Variants in TENT4B observed in about 807,000 individuals in gnomAD.
TENT4B encodes PAP associated domain containing 5.
A neutral mutation model predicts 75.0 loss-of-function variants in TENT4B; 10 were observed. That is an observed-to-expected ratio of 0.13 (90% CI 0.08 to 0.23). The LOEUF is 0.23. Among genes scored for constraint, TENT4B ranks in the 10% least tolerant of loss-of-function variants. TENT4B has a pLI of 1.00. For synonymous variants in TENT4B, 350 were observed against 357.7 expected (o/e 0.98, Z 0.24); for missense variants, 579 against 893.8 (o/e 0.65, Z 4.49).
chr16:50,172,540 A>G (rs1013809572), intron 1 of TENT4B, among the ~76,000 whole-genome samples: 1 of 137,556 alleles, frequency 7.3e-6, no homozygotes. Context: ...TTTTAGGTTT[A>G]TGGAAAAATT....
At chr16:50,222,818 T>TA (rs1471062714) in intron 6 of TENT4B, among the ~76,000 whole-genome samples, 1 of 152,196 alleles carries the variant, frequency 6.6e-6, no homozygotes, top group Non-Finnish European at 1.5e-5. Context: ...GTAAGCGAAT[T>TA]AGAGTCTTAG....
chr16:50,207,763 A>G (rs2031063883), intron 1 of TENT4B, among the ~76,000 whole-genome samples: 1 of 152,206 alleles, frequency 6.6e-6, no homozygotes, highest in African/African-American at 2.4e-5. Flanking sequence ...AAATTATATT[A>G]CCATGTGAAA....
chr16:50,233,257 A>C lies in TENT4B; in HGVS notation c.*3929A>C. 1.0e-6 allele frequency: 1 copy of C among 985,424 alleles called. No homozygotes were observed. Among genetic ancestry groups the C allele is most frequent in the Non-Finnish European group, 1.2e-6 (1 of 829,912 alleles). The allele number at this position is 985,424 out of a possible 1,614,324, so 61.0% of individuals were successfully genotyped here. On this transcript the variant is annotated 3_prime_UTR_variant, in exon 12 of 12. Coordinates refer to ENST00000561678, the MANE Select transcript of TENT4B (RefSeq NM_001365324.3). ...ATTTATATATGAAATTCCTTAAAAG[A>C]GTTCATCTTGCCTTGGTTTCTGACC... is the stretch of plus-strand genomic sequence containing the variant.
At chr16:50,216,897 G>C (rs914102005) in intron 4 of TENT4B, among the ~76,000 whole-genome samples, 1 of 152,074 alleles carries the variant, frequency 6.6e-6, no homozygotes, top group Non-Finnish European at 1.5e-5. Flanking sequence ...AAGAACTGCT[G>C]ATAGCTCATG....
At chr16:50,208,942 G>T (rs1290678966) in intron 1 of TENT4B, among the ~76,000 whole-genome samples, 1 of 152,178 alleles carries the variant, frequency 6.6e-6, no homozygotes, top group African/African-American at 2.4e-5. Context: ...GTGTTGGCCA[G>T]ATGGTCTCCA....
In TENT4B at chr16:50,233,658, T is replaced by C. The variant is rs2032362891; in HGVS notation, c.*4330T>C. On this transcript the variant is annotated 3_prime_UTR_variant, in exon 12 of 12. Transcript: ENST00000561678. The stretch of plus-strand genomic sequence containing the variant: ...GTTTTTAGTTAATAAACTGCTAATG[T>C]TTATTTTACTGTCTCTCAGGTTTTT... 1.0e-6 allele frequency: 1 copy of C among 982,698 alleles called. No individual in the cohort carries two copies. Among genetic ancestry groups the C allele is most frequent in the African/African-American group, 1.8e-5 (1 of 57,012 alleles). The allele number at this position is 982,698 out of a possible 1,614,324, so 60.9% of individuals were successfully genotyped here. A position where few individuals can be genotyped will look rare whatever the true frequency, so the allele number is the denominator to read the frequency against.
chr16:50,200,910 C>A (rs2030603415), intron 1 of TENT4B, among the ~76,000 whole-genome samples: 1 of 151,986 alleles, frequency 6.6e-6, no homozygotes, highest in African/African-American at 2.4e-5. Flanking sequence ...AATCCTCTTG[C>A]CTCAGCCTTC....
intron 1 of TENT4B, among the ~76,000 whole-genome samples, chr16:50,163,145 T>G (rs1324096389): frequency 6.6e-6 from 1 of 152,218 alleles, no homozygotes; most frequent in African/African-American, 2.4e-5. Context: ...CTCTTAGCAC[T>G]GTCAGGTATT....
At position 50,234,803 on chromosome 16, in the gene TENT4B, T is replaced by C. The variant is rs1328220399; in HGVS notation, c.*5475T>C. 1.5e-5 allele frequency: 15 copies of C among 985,416 alleles called. No individual in the cohort carries two copies. The highest frequency in any genetic ancestry group is 1.8e-5 in the Non-Finnish European group (15 of 829,942). 61.0% of individuals were successfully genotyped at this position (985,416 alleles called of 1,614,324 possible). On this transcript the variant is annotated 3_prime_UTR_variant, in exon 12 of 12. Transcript: ENST00000561678. Reference sequence around the variant, plus strand: ...ACCAGTGTAGTTTCTGGATATAAAGTGTGAAGGACTGTTGAGTTAAACATT... The same window carrying C: ...ACCAGTGTAGTTTCTGGATATAAAGCGTGAAGGACTGTTGAGTTAAACATT...
At chr16:50,202,122 G>A (rs2030692377) in intron 1 of TENT4B, among the ~76,000 whole-genome samples, 1 of 152,136 alleles carries the variant, frequency 6.6e-6, no homozygotes, top group South Asian at 2.1e-4. Flanking sequence ...ATACGTGTGG[G>A]AGCTTGTCCT....
At position 50,234,904 on chromosome 16, in the gene TENT4B, A is replaced by T; in HGVS notation, c.*5576A>T. On this transcript the variant is annotated 3_prime_UTR_variant, in exon 12 of 12. Transcript: ENST00000561678. ...AGTATTTGTTTTTAGTAACCTTTTT[A>T]TGTATTTCCTTCTTTGATTAGCATT... 2 of 985,720 alleles carry T rather than the reference A, an allele frequency of 2.0e-6. No homozygotes were observed. Among genetic ancestry groups the T allele is most frequent in the Non-Finnish European group, 2.4e-6 (2 of 829,820 alleles). 61.1% of individuals were successfully genotyped at this position (985,720 alleles called of 1,614,324 possible).
At position 50,232,283 on chromosome 16, in the gene TENT4B, G is replaced by C; in HGVS notation, c.*2955G>C. 1.0e-6 allele frequency: 1 copy of C among 985,332 alleles called. No homozygotes were observed. Among genetic ancestry groups the C allele is most frequent in the Non-Finnish European group, 1.2e-6 (1 of 829,908 alleles). The allele number at this position is 985,332 out of a possible 1,614,324, so 61.0% of individuals were successfully genotyped here. ...TTTTCAAATCTAGCTTGGATCTGTA[G>C]GACCTATGTTTTTTACAAGTAATTG... On this transcript the variant is annotated 3_prime_UTR_variant, in exon 12 of 12. Coordinates refer to ENST00000561678, the MANE Select transcript of TENT4B (RefSeq NM_001365324.3).
At chr16:50,194,476 A>G (rs1475922157) in intron 1 of TENT4B, among the ~76,000 whole-genome samples, 1 of 150,456 alleles carries the variant, frequency 6.6e-6, no homozygotes, top group East Asian at 2.0e-4. Flanking sequence ...CTGCCTCCCA[A>G]AGCGCTGTGA....
At chr16:50,215,410 T>A (rs895806521) in intron 3 of TENT4B, among the ~76,000 whole-genome samples, 6 of 152,198 alleles carry the variant, frequency 3.9e-5, no homozygotes, top group Non-Finnish European at 7.3e-5. Flanking sequence ...TTAATATTTC[T>A]TATTTAGGTT....
intron 1 of TENT4B, among the ~76,000 whole-genome samples, chr16:50,184,841 C>T (rs2038494883): frequency 6.6e-6 from 1 of 152,070 alleles, no homozygotes; most frequent in Admixed American, 6.6e-5. Flanking sequence ...ATTCTTGTGC[C>T]TCAGGCTCCT....
At chr16:50,158,703 T>G (rs2037947523) in intron 1 of TENT4B, among the ~76,000 whole-genome samples, 1 of 152,180 alleles carries the variant, frequency 6.6e-6, no homozygotes, top group Non-Finnish European at 1.5e-5. Context: ...AGATGCTTTT[T>G]TAAGGCTTGG....
At chr16:50,175,121 A>G (rs1159894918) in intron 1 of TENT4B, among the ~76,000 whole-genome samples, 1 of 152,110 alleles carries the variant, frequency 6.6e-6, no homozygotes, top group Non-Finnish European at 1.5e-5. Flanking sequence ...TAGCTCCCAC[A>G]TATGAGTAAG....
intron 1 of TENT4B, among the ~76,000 whole-genome samples, chr16:50,160,197 C>T (rs763513229): frequency 3.3e-5 from 5 of 152,194 alleles, no homozygotes; most frequent in East Asian, 1.9e-4. Context: ...TGCGCCCGGC[C>T]GCTAACTTAA....
rs760782447 is a variant in TENT4B at position 50,229,174 on chromosome 16, G to A, written c.1988G>A (p.Arg663His). 1.4e-5 allele frequency: 22 copies of A among 1,613,560 alleles called. No homozygotes were observed. The highest frequency in any genetic ancestry group is 2.2e-5 in the East Asian group (1 of 44,896). Residue 663 changes from arginine to histidine, a missense_variant, in exon 12 of 12, where the codon CGT becomes CAT. Physicochemically the swap from Arg to His is conservative, Grantham distance 29. Transcript: ENST00000561678. ...CAGCATGGATCAGCAAGGCTCTTTC[G>A]TTCTTCCAGCAAAGGCTTCCAAGGT... ...KSQHGSARLFRSSSKGFQGTT... is the reference protein window; with the variant it reads ...KSQHGSARLFHSSSKGFQGTT...
Sources: gnomAD v4.1 joint callset for allele counts (sites outside exome capture counted in the v4.1 genomes callset) on GRCh38, gnomAD v4.1.1 for gene constraint, MANE v1.5 for transcripts, NCBI Gene and HGNC (gene_info 2026-07-23, HGNC 2026-07-21) for gene names.